The following SLCO2B1 variants were observed in gnomAD, a reference collection of about 807,000 sequenced individuals.
SLCO2B1 encodes the protein OATP-RP2.
Under a neutral mutation model 67.3 loss-of-function variants are expected in SLCO2B1, and 41 were observed. The ratio of observed to expected loss-of-function variants is 0.61; its 90% confidence interval spans 0.47 to 0.79. SLCO2B1 has a LOEUF of 0.79. Among genes scored for constraint, SLCO2B1 ranks in the 30% least tolerant of loss-of-function variants. SLCO2B1 has a pLI of 0.00. For synonymous variants in SLCO2B1, 379 were observed against 381.4 expected, an observed-to-expected ratio of 0.99 and a Z score of 0.07; for missense variants, 837 against 920.1, an observed-to-expected ratio of 0.91 and a Z score of 1.17.
intron 6 of SLCO2B1, among the ~76,000 whole-genome samples, chr11:75,171,233 G>A (rs73488721): frequency 0.046 from 6,947 of 152,236 alleles, 539 homozygotes; most frequent in African/African-American, 0.16. Flanking sequence ...CCAGCTCTGT[G>A]TGTGGGGTTG....
At chr11:75,202,518 C>CCAGAGGATGGCAGGCTG (rs151331433) in intron 11 of SLCO2B1, 15,789 of 233,896 alleles carry the variant, frequency 0.068, 1,579 homozygotes, top group African/African-American at 0.25. Flanking sequence ...CTGGCAGGAG[C>CCAGAGGATGGCAGGCTG]TGGCGTTACA....
At chr11:75,192,981 T>C (rs566313675) in intron 8 of SLCO2B1, among the ~76,000 whole-genome samples, 2 of 152,024 alleles carry the variant, frequency 1.3e-5, no homozygotes, top group Non-Finnish European at 2.9e-5. Context: ...AGGCAGAGGT[T>C]GCAGTGAGCT....
intron 3 of SLCO2B1, among the ~76,000 whole-genome samples, chr11:75,165,146 C>T (rs1194290736): frequency 2.0e-5 from 3 of 152,070 alleles, no homozygotes; most frequent in Non-Finnish European, 4.4e-5. Context: ...AAGGTCAAGC[C>T]TTGGGCCAGG....
At chr11:75,176,721 G>C (rs112177747) in intron 7 of SLCO2B1, among the ~76,000 whole-genome samples, 208 of 152,284 alleles carry the variant, frequency 1.4e-3, no homozygotes, top group African/African-American at 4.8e-3. Flanking sequence ...CCAGGACTTA[G>C]GGCTGGTCTG....
At position 75,172,568 on chromosome 11, in the gene SLCO2B1, A is replaced by G. The variant is rs1372654057; in HGVS notation, c.971A>G (p.Lys324Arg). The G allele has an allele frequency of 6.2e-7, 1 of 1,613,028 alleles. No homozygotes were observed. The highest frequency in any genetic ancestry group is 1.7e-5 in the Admixed American group (1 of 59,968). Residue 324 changes from lysine (K) to arginine (R), a missense_variant and splice_region_variant, in exon 7 of 14, where the codon AAG becomes AGG. Transcript: ENST00000289575. Reference protein sequence around the residue: ...VLAVTDSPARKGKDSPSKQSP... With the variant: ...VLAVTDSPARRGKDSPSKQSP... Reference sequence around the variant, plus strand: ...GCAGTCACAGACTCACCTGCCAGGAAGGTAAGCTCCCTCCATGTCACCTGA... The same window carrying G: ...GCAGTCACAGACTCACCTGCCAGGAGGGTAAGCTCCCTCCATGTCACCTGA...
At chr11:75,178,130 G>A (rs1270216709) in intron 7 of SLCO2B1, among the ~76,000 whole-genome samples, 3 of 150,332 alleles carry the variant, frequency 2.0e-5, no homozygotes, top group African/African-American at 7.3e-5. Context: ...AACTCCAAAC[G>A]CAAGTTCTGT....
intron 1 of SLCO2B1, among the ~76,000 whole-genome samples, chr11:75,153,058 C>T (rs1949710346): frequency 6.6e-6 from 1 of 152,210 alleles, no homozygotes; most frequent in Non-Finnish European, 1.5e-5. Context: ...CTGGGGCAGC[C>T]ATTCACACAC....
intron 10 of SLCO2B1, among the ~76,000 whole-genome samples, chr11:75,199,184 T>C (rs376220267): frequency 2.5e-4 from 38 of 152,052 alleles, no homozygotes; most frequent in African/African-American, 8.4e-4. Flanking sequence ...CACTTAGGGG[T>C]CACACAGCTT....
chr11:75,199,869 G>A, intron 10 of SLCO2B1: 1 of 259,500 alleles, frequency 3.9e-6, no homozygotes, highest in Non-Finnish European at 7.3e-6. Context: ...ACACTCCAGG[G>A]GGCAAGCCCG....
chr11:75,172,428 G>T lies in SLCO2B1; in HGVS notation c.831G>T (p.Trp277Cys). Reference sequence around the variant, plus strand: ...ACCCCCGATGGGTGGGTGCCTGGTGGCTGGGTTTCCTCATCGCTGCCGGTG... The same window carrying T: ...ACCCCCGATGGGTGGGTGCCTGGTGTCTGGGTTTCCTCATCGCTGCCGGTG... ...IKDPRWVGAW[W>C]LGFLIAAGAV... The change falls in exon 7 of 14, where the codon TGG (tryptophan) becomes TGT (cysteine). Residue 277 changes from tryptophan (W) to cysteine (C), a missense_variant. By Grantham distance (215) the Trp-to-Cys change is radical. Coordinates refer to ENST00000289575, the MANE Select transcript of SLCO2B1 (RefSeq NM_007256.5). 6.2e-7 allele frequency: 1 copy of T among 1,614,162 alleles called. No homozygotes were observed. The highest frequency in any genetic ancestry group is 8.5e-7 in the Non-Finnish European group (1 of 1,180,016).
At chr11:75,188,306 G>T in intron 8 of SLCO2B1, 68 bp downstream of exon 8, 2 of 1,005,668 alleles carry the variant, frequency 2.0e-6, no homozygotes, top group Non-Finnish European at 3.1e-6. Context: ...TCAGGATCCA[G>T]TCCTTCCTGC....
chr11:75,165,624 C>T (rs777477331), intron 3 of SLCO2B1, among the ~76,000 whole-genome samples, 163 bp from the exon 4 acceptor site: 1 of 152,240 alleles, frequency 6.6e-6, no homozygotes, highest in African/African-American at 2.4e-5. Context: ...CTAAGGGGGC[C>T]GTGCGGCCCT....
In SLCO2B1 at chr11:75,206,268, A is replaced by G. The variant is rs1945275462; in HGVS notation, c.*1688A>G. 6.6e-6 allele frequency: 1 copy of G among 152,246 alleles called. No individual in the cohort carries two copies. The highest frequency in any genetic ancestry group is 2.4e-5 in the African/African-American group (1 of 41,466). The allele number at this position is 152,246 out of a possible 1,614,324, so 9.4% of individuals were successfully genotyped here. ...GTTCTTGCATAATGTCTCTTCTATTACAAAAATTCTTTCTTCATAAACTGC... is the reference window on the plus strand; with the variant it reads ...GTTCTTGCATAATGTCTCTTCTATTGCAAAAATTCTTTCTTCATAAACTGC... On this transcript the variant is annotated 3_prime_UTR_variant, in exon 14 of 14. Transcript: ENST00000289575.
intron 1 of SLCO2B1, 36 bp downstream of exon 1, chr11:75,151,433 G>A (rs1949686687): frequency 1.2e-6 from 2 of 1,611,922 alleles, no homozygotes; most frequent in Admixed American, 1.7e-5. Context: ...GCCATGGAGA[G>A]CAAGCCTGGG....
chr11:75,184,848 T>TC (rs141810820), intron 7 of SLCO2B1, among the ~76,000 whole-genome samples: 3,598 of 151,726 alleles, frequency 0.024, 121 homozygotes, highest in African/African-American at 0.081. Flanking sequence ...CCTCAGAGCC[T>TC]CCCCCCTCTA....
At position 75,165,941 on chromosome 11, in the gene SLCO2B1, C is replaced by T. The variant is rs561594626; in HGVS notation, c.440C>T (p.Thr147Ile). ...TCGGAGCCATACCGCTACGACAACACCAGCCCTGGTAAGAGCAGCAGGGGC... is the reference window on the plus strand; with the variant it reads ...TCGGAGCCATACCGCTACGACAACATCAGCCCTGGTAAGAGCAGCAGGGGC... Reference protein sequence around the residue: ...FISEPYRYDNTSPEDMPQDFK... With the variant: ...FISEPYRYDNISPEDMPQDFK... The change falls in exon 4 of 14, where the codon ACC (threonine) becomes ATC (isoleucine). Residue 147 changes from threonine (T) to isoleucine (I), a missense_variant. Physicochemically the swap from Thr to Ile is moderately conservative, Grantham distance 89. Coordinates refer to ENST00000289575, the MANE Select transcript of SLCO2B1 (RefSeq NM_007256.5). The T allele has an allele frequency of 1.1e-5, 17 of 1,613,878 alleles. No homozygotes were observed. The African/African-American group carries it at 1.9e-4, about 18-fold the overall frequency.
intron 7 of SLCO2B1, among the ~76,000 whole-genome samples, chr11:75,181,774 C>G (rs750137087): frequency 1.3e-5 from 2 of 152,202 alleles, no homozygotes; most frequent in African/African-American, 4.8e-5. Flanking sequence ...TCCAGCAGCC[C>G]TCTCCATCCA....
At chr11:75,180,866 G>A (rs1481959728) in intron 7 of SLCO2B1, among the ~76,000 whole-genome samples, 3 of 152,210 alleles carry the variant, frequency 2.0e-5, no homozygotes, top group Non-Finnish European at 4.4e-5. Context: ...TGGTCACATA[G>A]CTAGTAAATG....
At chr11:75,164,502 C>T (rs2851110) in intron 3 of SLCO2B1, among the ~76,000 whole-genome samples, 5 of 151,876 alleles carry the variant, frequency 3.3e-5, no homozygotes, top group African/African-American at 9.7e-5. Flanking sequence ...GGGATGGTCG[C>T]GGGAGGGATA....
Sources: allele counts gnomAD v4.1 joint callset (sites outside exome capture counted in the v4.1 genomes callset), GRCh38; gene constraint gnomAD v4.1.1; transcripts MANE v1.5; gene names NCBI Gene and HGNC (gene_info 2026-07-23, HGNC 2026-07-21).